MTUS2: variants seen among roughly 807,000 people sequenced by gnomAD.
MTUS2 encodes the protein microtubule-associated tumor suppressor candidate 2.
In MTUS2, 40 loss-of-function variants were observed where a neutral mutation model predicts 114.1. The ratio of observed to expected loss-of-function variants is 0.35; its 90% CI spans 0.27 to 0.46. The LOEUF (loss-of-function observed/expected upper bound fraction) is 0.46. Ranked by LOEUF, MTUS2 falls within the 20% of genes least tolerant of loss-of-function variation. The pLI is 1.00. For synonymous variants in MTUS2, 688 were observed against 672.0 expected (o/e 1.02, Z -0.37); for missense variants, 1,679 against 1,705.4 (o/e 0.98, Z 0.27).
chr13:28,958,036 T>G (rs1257800842), intron 2 of MTUS2, among the ~76,000 whole-genome samples: 3 of 152,242 alleles, frequency 2.0e-5, no homozygotes, highest in African/African-American at 7.2e-5. Context: ...CAGCCATTTT[T>G]TTCTGAAATG....
intron 5 of MTUS2, among the ~76,000 whole-genome samples, chr13:29,176,086 T>C (rs1296370749): frequency 6.6e-6 from 1 of 152,148 alleles, no homozygotes; most frequent in East Asian, 1.9e-4. Context: ...AGAGAGAATA[T>C]GATTTTGCTA....
chr13:28,977,251 T>C (rs1332373805), intron 2 of MTUS2, among the ~76,000 whole-genome samples: 1 of 152,188 alleles, frequency 6.6e-6, no homozygotes, highest in African/African-American at 2.4e-5. Flanking sequence ...CTCTTTTTCA[T>C]TTAAAATTAT....
At chr13:29,205,058 T>G (rs1421114925) in intron 5 of MTUS2, among the ~76,000 whole-genome samples, 1 of 152,140 alleles carries the variant, frequency 6.6e-6, no homozygotes, top group Non-Finnish European at 1.5e-5. Context: ...CCTTTAAAGG[T>G]AGAAGACAGA....
chr13:29,114,234 C>T (rs1318295145), intron 5 of MTUS2, among the ~76,000 whole-genome samples: 1 of 152,046 alleles, frequency 6.6e-6, no homozygotes, highest in African/African-American at 2.4e-5. Flanking sequence ...CAGTTGGTGA[C>T]ATAGAGCTAA....
chr13:29,066,188 C>T (rs1166804765), intron 4 of MTUS2, among the ~76,000 whole-genome samples: 1 of 152,236 alleles, frequency 6.6e-6, no homozygotes, highest in Admixed American at 6.5e-5. Context: ...GCCTTGATCA[C>T]CCTCTCTCCA....
rs535347298 is a variant in MTUS2 at position 29,391,459 on chromosome 13, G to A, written c.3117+31986G>A. ...CCCCAGGGCATTGCAGTGCCTGACG[G>A]GAATTCCACTGGAGTAAGGAGCTGC... On this transcript the variant is annotated intron_variant, in intron 8 of 15. Coordinates refer to ENST00000612955, the MANE Select transcript of MTUS2 (RefSeq NM_001033602.4). Among the ~76,000 whole-genome samples the A allele has an allele frequency of 1.2e-4, 18 of 152,240 alleles. No individual in the cohort carries two copies. The South Asian group carries it at 3.1e-3, about 26-fold the overall frequency.
chr13:29,410,034 G>A (rs562956353), intron 8 of MTUS2, among the ~76,000 whole-genome samples: 1 of 151,892 alleles, frequency 6.6e-6, no homozygotes, highest in Admixed American at 6.6e-5. Context: ...TGCCAAATTC[G>A]CCTACAAAAA....
chr13:29,353,337 T>C (rs992984077), intron 7 of MTUS2, among the ~76,000 whole-genome samples: 3 of 152,158 alleles, frequency 2.0e-5, no homozygotes, highest in Non-Finnish European at 4.4e-5. Context: ...ACTTGGCTAA[T>C]TTTTTAAGGA....
chr13:29,040,090 C>T (rs1887276863), intron 4 of MTUS2, among the ~76,000 whole-genome samples: 2 of 152,196 alleles, frequency 1.3e-5, no homozygotes, highest in South Asian at 4.1e-4. Context: ...TACACTGCAC[C>T]TGATGTGTAA....
At chr13:29,223,124 C>T (rs1255767060) in intron 5 of MTUS2, among the ~76,000 whole-genome samples, 1 of 152,198 alleles carries the variant, frequency 6.6e-6, no homozygotes, top group East Asian at 1.9e-4. Flanking sequence ...CCTAGTGAAA[C>T]CCCACCCTCA....
At chr13:29,347,699 G>A (rs1868845702) in intron 7 of MTUS2, among the ~76,000 whole-genome samples, 1 of 152,036 alleles carries the variant, frequency 6.6e-6, no homozygotes, top group Admixed American at 6.5e-5. Flanking sequence ...CAGGTTAAGG[G>A]CTCAATCTCA....
intron 5 of MTUS2, among the ~76,000 whole-genome samples, chr13:29,215,218 T>TTCTTCTTC: frequency 1.3e-5 from 2 of 152,076 alleles, no homozygotes; most frequent in Non-Finnish European, 2.9e-5. Flanking sequence ...TATCAAGTCA[T>TTCTTCTTC]TTATGTTCTT....
At chr13:29,266,368 A>G (rs1269771019) in intron 5 of MTUS2, among the ~76,000 whole-genome samples, 4 of 152,186 alleles carry the variant, frequency 2.6e-5, no homozygotes, top group African/African-American at 7.2e-5. Flanking sequence ...CTAACCACTT[A>G]ACTATCAGCC....
At chr13:29,274,602 T>G (rs1897994266) in intron 5 of MTUS2, among the ~76,000 whole-genome samples, 1 of 152,228 alleles carries the variant, frequency 6.6e-6, no homozygotes, top group African/African-American at 2.4e-5. Flanking sequence ...TGATCTGCAT[T>G]TCCCTAATGA....
At chr13:29,068,006 T>A (rs1888739633) in intron 4 of MTUS2, among the ~76,000 whole-genome samples, 2 of 152,232 alleles carry the variant, frequency 1.3e-5, no homozygotes, top group Admixed American at 6.5e-5. Context: ...CTGTTTTACT[T>A]AATTTTACAA....
chr13:29,054,880 G>A (rs2138619118), intron 4 of MTUS2, among the ~76,000 whole-genome samples: 1 of 152,036 alleles, frequency 6.6e-6, no homozygotes, highest in South Asian at 2.1e-4. Context: ...CAAATTTGGG[G>A]ATTTCTTAGA....
intron 6 of MTUS2, among the ~76,000 whole-genome samples, chr13:29,316,823 G>T (rs1337415261): frequency 6.6e-6 from 1 of 152,176 alleles, no homozygotes; most frequent in Non-Finnish European, 1.5e-5. Context: ...AACATACACA[G>T]AAGCAACTGC....
intron 5 of MTUS2, among the ~76,000 whole-genome samples, chr13:29,202,106 C>T (rs1894983323): frequency 6.6e-6 from 1 of 152,024 alleles, no homozygotes; most frequent in Non-Finnish European, 1.5e-5. Context: ...TGTTTTCCAC[C>T]TTGGTTCCAT....
At chr13:29,453,196 T>G (rs1439532738) in intron 9 of MTUS2, among the ~76,000 whole-genome samples, 1 of 152,236 alleles carries the variant, frequency 6.6e-6, no homozygotes, top group Non-Finnish European at 1.5e-5. Context: ...ACATAACGTG[T>G]TACAGATATA....
Sources: allele counts gnomAD v4.1 joint callset (sites outside exome capture counted in the v4.1 genomes callset), GRCh38; gene constraint gnomAD v4.1.1; transcripts MANE v1.5; gene names NCBI Gene and HGNC (gene_info 2026-07-23, HGNC 2026-07-21).